Variants in CRTAC1 observed in about 807,000 individuals in gnomAD.
CRTAC1 encodes the protein acidic secreted protein in cartilage.
A neutral mutation model predicts 67.8 loss-of-function variants in CRTAC1; 37 were observed. The observed-to-expected ratio is 0.55, with a 90% CI of 0.42 to 0.72. The LOEUF is 0.72. Ranked by LOEUF, CRTAC1 falls within the 30% of genes least tolerant of loss-of-function variation. The pLI is 0.00. For synonymous variants in CRTAC1, 348 were observed against 371.0 expected (o/e 0.94, Z 0.71); for missense variants, 780 against 931.6 (o/e 0.84, Z 2.12).
At chr10:97,993,570 G>A (rs147326975) in intron 2 of CRTAC1, among the ~76,000 whole-genome samples, 3 of 152,334 alleles carry the variant, frequency 2.0e-5, no homozygotes, top group Admixed American at 2.0e-4. Context: ...ACACGGTAGG[G>A]TAGGCTTGTA....
At chr10:97,984,326 C>G (rs1301513566) in intron 2 of CRTAC1, among the ~76,000 whole-genome samples, 1 of 152,210 alleles carries the variant, frequency 6.6e-6, no homozygotes, top group African/African-American at 2.4e-5. Flanking sequence ...CCTCCCCCAT[C>G]TGAGCAGTCA....
At chr10:97,954,847 C>T (rs1346848830) in intron 2 of CRTAC1, among the ~76,000 whole-genome samples, 7 of 152,150 alleles carry the variant, frequency 4.6e-5, no homozygotes, top group African/African-American at 1.7e-4. Context: ...CTGGGGGCTG[C>T]AGGCATTGCT....
intron 1 of CRTAC1, among the ~76,000 whole-genome samples, chr10:98,018,660 T>A (rs1328489555): frequency 6.6e-6 from 1 of 152,150 alleles, no homozygotes; most frequent in Non-Finnish European, 1.5e-5. Context: ...GGGCAAACAG[T>A]TCTTTTGCAA....
intron 9 of CRTAC1, among the ~76,000 whole-genome samples, 190 bp from the exon 10 acceptor site, chr10:97,896,175 C>T (rs180974662): frequency 9.8e-4 from 149 of 152,264 alleles, no homozygotes; most frequent in Admixed American, 2.4e-3. Flanking sequence ...ATAGGACTCA[C>T]GGGACAGACA....
chr10:97,935,838 C>A (rs1035964591), intron 3 of CRTAC1, among the ~76,000 whole-genome samples: 2 of 152,038 alleles, frequency 1.3e-5, no homozygotes, highest in African/African-American at 4.8e-5. Flanking sequence ...TGAGCCAGGG[C>A]AGGGCAGTGG....
intron 1 of CRTAC1, among the ~76,000 whole-genome samples, chr10:98,016,728 T>A (rs1843005984): frequency 6.6e-6 from 1 of 152,142 alleles, no homozygotes; most frequent in African/African-American, 2.4e-5. Context: ...TAATGGACAG[T>A]CTGGGCTGAG....
At chr10:97,983,888 A>AT (rs1186236821) in intron 2 of CRTAC1, among the ~76,000 whole-genome samples, 3 of 152,196 alleles carry the variant, frequency 2.0e-5, no homozygotes, top group East Asian at 1.9e-4. Context: ...GCATACACAC[A>AT]TTTTTTTATT....
At chr10:97,946,870 G>C (rs527457546) in intron 2 of CRTAC1, among the ~76,000 whole-genome samples, 1 of 152,144 alleles carries the variant, frequency 6.6e-6, no homozygotes, top group African/African-American at 2.4e-5. Context: ...TTCTCGAAAC[G>C]GTCTGGTTCG....
intron 1 of CRTAC1, among the ~76,000 whole-genome samples, chr10:98,017,416 G>T (rs1348949612): frequency 2.0e-5 from 3 of 152,162 alleles, no homozygotes. Flanking sequence ...CCTCGGTAAG[G>T]GATGTGGGCT....
chr10:97,911,957 G>T (rs1028323818), intron 5 of CRTAC1, among the ~76,000 whole-genome samples: 2 of 152,160 alleles, frequency 1.3e-5, no homozygotes, highest in Non-Finnish European at 2.9e-5. Flanking sequence ...ATAATTTGAG[G>T]CCAGCGCATT....
At chr10:97,889,774 G>A (rs12412747) in intron 11 of CRTAC1, among the ~76,000 whole-genome samples, 37,571 of 152,114 alleles carry the variant, frequency 0.25, 5,747 homozygotes, top group Non-Finnish European at 0.34. Flanking sequence ...GTGACTCATG[G>A]AGGCAGGAAG....
chr10:97,958,369 G>A (rs2051473637), intron 2 of CRTAC1, among the ~76,000 whole-genome samples: 1 of 152,242 alleles, frequency 6.6e-6, no homozygotes, highest in African/African-American at 2.4e-5. Flanking sequence ...AGTGGGGAAT[G>A]TTAGAAATTA....
At position 97,908,038 on chromosome 10, in the gene CRTAC1, G is replaced by A; in HGVS notation, c.825C>T (p.Thr275=). Residue 275 remains threonine, a synonymous_variant, in exon 6 of 15, where the codon ACC becomes ACT. Transcript: ENST00000370597. ...CAGCACTGGCCGCAGCGTCCACAAA[G>A]GTGCCATCGCCCCGGTTGTGGAAAA... ...NFLFHNRGDG[T]FVDAAASAGV... 1 of 1,614,200 alleles carries A rather than the reference G, an allele frequency of 6.2e-7. No homozygotes were observed. The highest frequency in any genetic ancestry group is 8.5e-7 in the Non-Finnish European group (1 of 1,180,026).
intron 1 of CRTAC1, among the ~76,000 whole-genome samples, chr10:98,027,197 G>A (rs937019462): frequency 6.6e-6 from 1 of 151,518 alleles, no homozygotes; most frequent in South Asian, 2.1e-4. Flanking sequence ...AAAGGGGGCC[G>A]CCCACAGGCC....
chr10:97,934,102 C>A (rs1358380301), intron 3 of CRTAC1, among the ~76,000 whole-genome samples: 1 of 152,166 alleles, frequency 6.6e-6, no homozygotes, highest in Non-Finnish European at 1.5e-5. Context: ...TGGTCTGTCC[C>A]CTTCCTCTGG....
In CRTAC1 at chr10:97,975,800, C is replaced by A. The variant is rs1264345266; in HGVS notation, c.224+35338G>T. Among the ~76,000 whole-genome samples, 1 of 152,236 alleles carries A rather than the reference C, an allele frequency of 6.6e-6. No homozygotes were observed. Among genetic ancestry groups the A allele is most frequent in the African/African-American group, 2.4e-5 (1 of 41,466 alleles). ...CCCTCTGTGCCAAGAGCCTCTCCAC[C>A]TGCCAGGGAAGCTACGCACACTCGG... On this transcript the variant is annotated intron_variant, in intron 2 of 14. Transcript: ENST00000370597. The surrounding 1 kb of genome is among the most constrained non-coding windows in gnomAD (Gnocchi z 4.8).
At chr10:98,017,925 G>A (rs1590296744) in intron 1 of CRTAC1, among the ~76,000 whole-genome samples, 3 of 151,826 alleles carry the variant, frequency 2.0e-5, no homozygotes, top group South Asian at 4.2e-4. Context: ...GGCCAGGCAT[G>A]GTGGCTCATG....
At chr10:97,949,531 C>T (rs1358777844) in intron 2 of CRTAC1, among the ~76,000 whole-genome samples, 1 of 152,234 alleles carries the variant, frequency 6.6e-6, no homozygotes, top group Non-Finnish European at 1.5e-5. Flanking sequence ...CTGCCTTCCC[C>T]CAACCCTACG....
intron 1 of CRTAC1, among the ~76,000 whole-genome samples, chr10:98,025,224 C>T (rs1292097222): frequency 6.6e-6 from 1 of 152,226 alleles, no homozygotes; most frequent in East Asian, 1.9e-4. Context: ...CCGGGTTTCT[C>T]AATCTTGGTG....
Sources: allele counts gnomAD v4.1 joint callset (sites outside exome capture counted in the v4.1 genomes callset), GRCh38; gene constraint gnomAD v4.1.1; non-coding constraint Gnocchi (gnomAD v3.1); transcripts MANE v1.5; gene names NCBI Gene and HGNC (gene_info 2026-07-23, HGNC 2026-07-21).